Variants in PARG observed in about 807,000 individuals in gnomAD.
The protein encoded by PARG is mitochondrial poly(ADP-ribose) glycohydrolase.
In PARG, 35 loss-of-function variants were observed where a neutral mutation model predicts 113.0. That is an observed-to-expected ratio of 0.31 (90% CI 0.24 to 0.41). The LOEUF (loss-of-function observed/expected upper bound fraction) is 0.41, where lower values mean the gene tolerates loss of function less well. PARG is among the 10% of genes least tolerant of loss of function. PARG has a pLI of 1.00. For missense variants in PARG, 797 were observed against 1,169.4 expected (o/e 0.68, Z 4.64); for synonymous variants, 330 against 409.9 (o/e 0.81, Z 2.36).
Position 49,933,864 on chromosome 10 carries a change from T to C in PARG, c.584A>G (p.Asp195Gly), listed in dbSNP as rs1471752830. 40 of 1,597,622 alleles carry C rather than the reference T, an allele frequency of 2.5e-5. No homozygotes were observed. The Middle Eastern group carries it at 5.0e-4, about 20-fold the overall frequency. Residue 195 changes from aspartate to glycine, a missense_variant, in exon 3 of 18, where the codon GAT becomes GGT. By Grantham distance (94) the Asp-to-Gly change is moderately conservative. Around this residue, in one of 5 missense-constraint regions of PARG, gnomAD observed 284 missense variants for 306.1 expected, o/e 0.93. Transcript: ENST00000616448. The part of the protein sequence containing the change: ...ANIDRSPQND[D>G]HSDTDSEENR... ...CTCTTCACTATCTGTGTCACTGTGATCATCATTTTGAGGTGACCGATCAAT... is the reference window on the plus strand; with the variant it reads ...CTCTTCACTATCTGTGTCACTGTGACCATCATTTTGAGGTGACCGATCAAT...
chr10:49,891,590 C>CATATATATATATATATATATAT (rs1211471476), intron 7 of PARG, among the ~76,000 whole-genome samples: 6 of 48,616 alleles, frequency 1.2e-4, no homozygotes, highest in Non-Finnish European at 1.9e-4. Context: ...TCCTATGGTC[C>CATATATATATATATATATATAT]ATATATATAT....
intron 16 of PARG, among the ~76,000 whole-genome samples, chr10:49,832,446 T>C (rs557514688): frequency 6.6e-6 from 1 of 152,294 alleles, no homozygotes; most frequent in African/African-American, 2.4e-5. Context: ...TTAAATTTGG[T>C]GGATGAATGA....
At chr10:49,927,468 G>A (rs1228164350) in intron 4 of PARG, among the ~76,000 whole-genome samples, 2 of 151,642 alleles carry the variant, frequency 1.3e-5, no homozygotes, top group African/African-American at 2.4e-5. Context: ...AAACCACAAG[G>A]GTGGGTGAGA....
At chr10:49,917,176 A>G (rs550332631) in intron 6 of PARG, among the ~76,000 whole-genome samples, 2 of 152,318 alleles carry the variant, frequency 1.3e-5, no homozygotes, top group East Asian at 3.9e-4. Context: ...CAAGTCATAC[A>G]TAACATTTTC....
chr10:49,902,737 T>C (rs186334586), intron 7 of PARG, among the ~76,000 whole-genome samples: 3 of 152,234 alleles, frequency 2.0e-5, no homozygotes, highest in Admixed American at 6.5e-5. Context: ...ATGCCTGTAA[T>C]CTCAGCACTC....
intron 7 of PARG, among the ~76,000 whole-genome samples, chr10:49,913,737 T>A (rs1554846900): frequency 6.6e-6 from 1 of 152,070 alleles, no homozygotes; most frequent in Non-Finnish European, 1.5e-5. Context: ...ACCCCATCTC[T>A]ACTAAAAATA....
At chr10:49,901,750 CAAT>C (rs1317716768) in intron 7 of PARG, among the ~76,000 whole-genome samples, 1 of 151,958 alleles carries the variant, frequency 6.6e-6, no homozygotes, top group Non-Finnish European at 1.5e-5. Context: ...CTCAACAACT[CAAT>C]TATTTGAAGT....
Position 49,898,871 on chromosome 10 carries a change from C to CTT in PARG, c.1738-13578_1738-13577dup, listed in dbSNP as rs1251209917. Among the ~76,000 whole-genome samples, 10 of 152,112 alleles carry CTT rather than the reference C, an allele frequency of 6.6e-5. No individual in the cohort carries two copies. The East Asian group carries it at 1.9e-3, about 29-fold the overall frequency. ...CTCCAGCTAAAAAGTAATTCTCCCTCTTGTAATTTATTTGAACTTTTTTTC... is the reference window on the plus strand; with the variant it reads ...CTCCAGCTAAAAAGTAATTCTCCCTCTTTTGTAATTTATTTGAACTTTTTTTC... On this transcript the variant is annotated intron_variant, in intron 7 of 17. Coordinates refer to ENST00000616448, the MANE Select transcript of PARG (RefSeq NM_003631.5).
chr10:49,823,051 T>C (rs1250961527), intron 16 of PARG, among the ~76,000 whole-genome samples: 1 of 152,078 alleles, frequency 6.6e-6, no homozygotes, highest in Non-Finnish European at 1.5e-5. Context: ...TCTGACAAAA[T>C]GAGAATATAG....
At chr10:49,901,132 T>TG (rs1439922985) in intron 7 of PARG, among the ~76,000 whole-genome samples, 9 of 150,462 alleles carry the variant, frequency 6.0e-5, no homozygotes, top group Non-Finnish European at 1.0e-4. Flanking sequence ...TTTTAAGAGA[T>TG]GGGGGTCTCA....
At chr10:49,897,301 G>A (rs1371375337) in intron 7 of PARG, among the ~76,000 whole-genome samples, 2 of 152,156 alleles carry the variant, frequency 1.3e-5, no homozygotes, top group Non-Finnish European at 1.5e-5. Flanking sequence ...TGATGATGAT[G>A]ATGCATTATT....
chr10:49,832,819 AC>A lies in PARG; in HGVS notation c.2630del (p.Gly877ValfsTer5). ...TGNWGCGAFG[G>X]DARLKALIQI... ...ACAACTTACCTTTTAACCTGGCATC[AC>A]CCCCAAAGGCACCACAGCCCCAGTT... On this transcript the variant is annotated frameshift_variant, in exon 16 of 18. Coordinates refer to ENST00000616448, the MANE Select transcript of PARG (RefSeq NM_003631.5). LOFTEE classifies it high-confidence loss of function. 1.3e-6 allele frequency: 2 copies of A among 1,542,830 alleles called. No individual in the cohort carries two copies. Among genetic ancestry groups the A allele is most frequent in the Non-Finnish European group, 1.8e-6 (2 of 1,139,824 alleles).
chr10:49,880,312 A>G (rs1245996369), intron 8 of PARG, among the ~76,000 whole-genome samples: 3 of 152,174 alleles, frequency 2.0e-5, no homozygotes, highest in Non-Finnish European at 4.4e-5. Context: ...ATTACACTTC[A>G]TACTCACAAT....
intron 16 of PARG, among the ~76,000 whole-genome samples, chr10:49,827,576 A>G (rs1554829582): frequency 6.6e-6 from 1 of 152,208 alleles, no homozygotes; most frequent in East Asian, 1.9e-4. Flanking sequence ...CACCTAAAAC[A>G]AAACAAAACA....
intron 3 of PARG, among the ~76,000 whole-genome samples, chr10:49,932,665 C>T (rs1301696643): frequency 3.2e-4 from 48 of 151,830 alleles, no homozygotes; most frequent in East Asian, 2.0e-3. Flanking sequence ...TATGGGGTAA[C>T]GGCAAAATAT....
chr10:49,887,898 A>G (rs1847575869), intron 7 of PARG, among the ~76,000 whole-genome samples: 1 of 152,130 alleles, frequency 6.6e-6, no homozygotes, highest in Non-Finnish European at 1.5e-5. Context: ...GTAGTCTTTG[A>G]TATGTTGAAA....
chr10:49,856,258 C>T (rs1429421180), intron 13 of PARG, among the ~76,000 whole-genome samples: 2 of 151,616 alleles, frequency 1.3e-5, no homozygotes, highest in Non-Finnish European at 2.9e-5. Flanking sequence ...CAGCTCACTG[C>T]AACCTCTGCC....
intron 7 of PARG, among the ~76,000 whole-genome samples, chr10:49,911,297 A>T (rs1277744065): frequency 6.6e-6 from 1 of 152,074 alleles, no homozygotes; most frequent in Non-Finnish European, 1.5e-5. Context: ...AAAAAAAAAA[A>T]AGAGAAGTAT....
At chr10:49,926,876 A>C (rs1255431764) in intron 4 of PARG, among the ~76,000 whole-genome samples, 5 of 152,244 alleles carry the variant, frequency 3.3e-5, no homozygotes, top group Non-Finnish European at 7.3e-5. Context: ...TTTAAGCAAT[A>C]GCTATCTTAT....
Sources: gnomAD v4.1 joint callset for allele counts (sites outside exome capture counted in the v4.1 genomes callset) on GRCh38, gnomAD v4.1.1 for gene constraint, gnomAD v4.1.1 regional missense constraint, MANE v1.5 for transcripts, NCBI Gene and HGNC (gene_info 2026-07-23, HGNC 2026-07-21) for gene names.